LITAF: variants seen among roughly 807,000 people sequenced by gnomAD.
The protein encoded by LITAF is lipopolysaccharide-induced tumor necrosis factor-alpha factor.
LITAF carries 9 observed loss-of-function variants against 14.5 expected under a neutral mutation model. The observed-to-expected ratio is 0.62, with a 90% CI of 0.37 to 1.08. The LOEUF (loss-of-function observed/expected upper bound fraction) is 1.08, where lower values mean the gene tolerates loss of function less well. Ranked by LOEUF, LITAF falls within the 50% of genes least tolerant of loss-of-function variation. The pLI is 0.01. For synonymous variants in LITAF, 98 were observed against 88.2 expected (o/e 1.11, Z -0.62); for missense variants, 206 against 213.4 (o/e 0.97, Z 0.22).
chr16:11,571,007 G>A (rs948579829), intron 1 of LITAF, among the ~76,000 whole-genome samples: 1 of 152,120 alleles, frequency 6.6e-6, no homozygotes, highest in Non-Finnish European at 1.5e-5. Flanking sequence ...TGGAAGCTGG[G>A]AAAGGCAAGA....
Position 11,553,847 on chromosome 16 carries a change from CA to C in LITAF, c.221-159del. The C allele has an allele frequency of 3.8e-6, 3 of 787,144 alleles. No homozygotes were observed. Among genetic ancestry groups the C allele is most frequent in the Non-Finnish European group, 6.2e-6 (3 of 482,712 alleles). 48.8% of individuals were successfully genotyped at this position (787,144 alleles called of 1,614,324 possible). On this transcript the variant is annotated intron_variant, in intron 2 of 3. Transcript: ENST00000622633. This position sits in a 1 kb window ranked among gnomAD's most constrained non-coding sequence, Gnocchi z 7.7. Reference sequence around the variant, plus strand: ...TCATCGTCTGGCTATCTATGAGAGCCAAAAGGGGAAGGAACACCAGTGTCCA... The same window carrying C: ...TCATCGTCTGGCTATCTATGAGAGCCAAAGGGGAAGGAACACCAGTGTCCA...
At chr16:11,626,555 G>A (rs996038040) in intron 3 of LITAF, among the ~76,000 whole-genome samples, 3 of 152,128 alleles carry the variant, frequency 2.0e-5, no homozygotes, top group African/African-American at 7.2e-5. Flanking sequence ...GGCCAGGCTG[G>A]TCTCCAACTC....
chr16:11,583,083 T>C (rs1434321891), intron 1 of LITAF, among the ~76,000 whole-genome samples: 5 of 152,146 alleles, frequency 3.3e-5, no homozygotes, highest in African/African-American at 9.7e-5. Context: ...AAGCGAGAAA[T>C]TGGCCTTTGG....
intron 1 of LITAF, among the ~76,000 whole-genome samples, chr16:11,568,627 G>C (rs1214660998): frequency 6.6e-6 from 1 of 151,584 alleles, no homozygotes; most frequent in East Asian, 1.9e-4. Context: ...TACCGTGTAA[G>C]TGCTCCACCT....
rs984831926 is a variant in LITAF at position 11,605,576 on chromosome 16, T to C, written c.85+27957A>G. On this transcript the variant is annotated intron_variant, in intron 3 of 3. Coordinates refer to the LITAF transcript ENST00000574848. This position sits in a 1 kb window ranked among gnomAD's most constrained non-coding sequence, Gnocchi z 4.7. ...GAAAGAAGGGAGGGAAAAAGAGAAATGAAAAGAAAAAGAATTGAGATGGGA... is the reference window on the plus strand; with the variant it reads ...GAAAGAAGGGAGGGAAAAAGAGAAACGAAAAGAAAAAGAATTGAGATGGGA... 1.4e-4 allele frequency among the ~76,000 whole-genome samples: 21 copies of C among 150,716 alleles called. No homozygotes were observed. Among genetic ancestry groups the C allele is most frequent in the African/African-American group, 5.1e-4 (21 of 40,838 alleles).
intron 1 of LITAF, chr16:11,575,264 G>A (rs1440179893): frequency 6.6e-6 from 1 of 152,240 alleles, no homozygotes; most frequent in Admixed American, 6.5e-5. Context: ...AGATGTGGGA[G>A]AGATATGAAG....
intron 1 of LITAF, among the ~76,000 whole-genome samples, chr16:11,577,960 A>T (rs935810111): frequency 5.3e-5 from 8 of 151,764 alleles, no homozygotes; most frequent in African/African-American, 1.9e-4. Flanking sequence ...CAATGGCTTG[A>T]TCGTAACTCA....
At position 11,556,705 on chromosome 16, in the gene LITAF, G is replaced by A. The variant is rs529766640; in HGVS notation, c.26C>T (p.Ala9Val). 3.2e-5 allele frequency: 52 copies of A among 1,614,158 alleles called. No homozygotes were observed. Among genetic ancestry groups the A allele is most frequent in the South Asian group, 1.1e-4 (10 of 91,082 alleles). The change falls in exon 2 of 4, where the codon GCG becomes GTG. Residue 9 changes from alanine (A) to valine (V), a missense_variant. Coordinates refer to ENST00000622633, the MANE Select transcript of LITAF (RefSeq NM_001136472.2). MSVPGPYQ[A>V]ATGPSSAPSA... ...TGGTGCTGAGGAAGGCCCAGTGGCC[G>A]CCTGGTAAGGTCCTGGAACCGACAT...
chr16:11,606,324 A>G (rs1217288881), intron 3 of LITAF, among the ~76,000 whole-genome samples: 1 of 151,758 alleles, frequency 6.6e-6, no homozygotes, highest in East Asian at 1.9e-4. Context: ...ACGCACCACC[A>G]TGCCCAGTTA....
chr16:11,613,678 A>T (rs2064997640), intron 3 of LITAF, among the ~76,000 whole-genome samples: 1 of 152,154 alleles, frequency 6.6e-6, no homozygotes. Flanking sequence ...GTGGGAGAGG[A>T]GCAGGAAAGG....
At chr16:11,603,340 T>C (rs1204634150), upstream of LITAF, among the ~76,000 whole-genome samples, 3 of 152,220 alleles carry the variant, frequency 2.0e-5, no homozygotes, top group Non-Finnish European at 4.4e-5. Flanking sequence ...GGCGGTGCTG[T>C]TTGAGCTGTC....
At chr16:11,637,894 AAAAC>A (rs1365865604), upstream of LITAF, among the ~76,000 whole-genome samples, 345 of 86,498 alleles carry the variant, frequency 4.0e-3, 37 homozygotes, top group African/African-American at 0.023. Context: ...AAAAAAAAAA[AAAAC>A]TATATATATA....
At chr16:11,617,426 CTTTTTTT>C (rs71136673) in intron 3 of LITAF, among the ~76,000 whole-genome samples, 179 of 73,744 alleles carry the variant, frequency 2.4e-3, no homozygotes, top group Non-Finnish European at 3.6e-3. Context: ...TGGCTTCACT[CTTTTTTT>C]TTTTTTTTTT....
intron 1 of LITAF, among the ~76,000 whole-genome samples, chr16:11,580,534 G>A (rs1314247427): frequency 1.3e-5 from 2 of 152,234 alleles, no homozygotes; most frequent in East Asian, 1.9e-4. Context: ...GGTATTACAG[G>A]CGTGAGCCAC....
At chr16:11,587,297 C>T, upstream of LITAF, 1 of 441,024 alleles carries the variant, frequency 2.3e-6, no homozygotes, top group Non-Finnish European at 4.6e-6. Flanking sequence ...TTCCCCCCTC[C>T]CCGCGCCGCT....
At chr16:11,616,520 T>G (rs1273672968) in intron 3 of LITAF, among the ~76,000 whole-genome samples, 1 of 150,846 alleles carries the variant, frequency 6.6e-6, no homozygotes, top group Non-Finnish European at 1.5e-5. Flanking sequence ...AGAAAGGGGC[T>G]TATGATGAAT....
At chr16:11,590,630 T>A (rs1022122180), upstream of LITAF, among the ~76,000 whole-genome samples, 3 of 118,350 alleles carry the variant, frequency 2.5e-5, 1 homozygote, top group African/African-American at 1.2e-4. Context: ...ATTGAATAAC[T>A]GGGTACTATA....
rs577849407 is a variant in LITAF at position 11,580,418 on chromosome 16, C to T, written c.-6+6468G>A. ...GATTACAGATGCCCACCACCACACCCGGCTAATTTTTGTATTTTTAGTAGA... is the reference window on the plus strand; with the variant it reads ...GATTACAGATGCCCACCACCACACCTGGCTAATTTTTGTATTTTTAGTAGA... On this transcript the variant is annotated intron_variant, in intron 1 of 3. Transcript: ENST00000622633. Among the ~76,000 whole-genome samples the T allele has an allele frequency of 5.3e-5, 8 of 152,162 alleles. No homozygotes were observed. In the South Asian group the frequency reaches 8.3e-4, roughly 16 times the overall value.
intron 3 of LITAF, among the ~76,000 whole-genome samples, chr16:11,624,297 T>A (rs1054053743): frequency 1.3e-5 from 2 of 152,138 alleles, no homozygotes; most frequent in Admixed American, 1.3e-4. Context: ...AAGAGAATAT[T>A]TTCCAATAGT....
Sources: allele counts gnomAD v4.1 joint callset (sites outside exome capture counted in the v4.1 genomes callset), GRCh38; gene constraint gnomAD v4.1.1; non-coding constraint Gnocchi (gnomAD v3.1); transcripts MANE v1.5; gene names NCBI Gene and HGNC (gene_info 2026-07-23, HGNC 2026-07-21).